The following FNBP4 variants were observed in gnomAD, a reference collection of about 807,000 sequenced individuals.
FNBP4 encodes formin-binding protein 4.
A neutral mutation model predicts 119.3 loss-of-function variants in FNBP4; 34 were observed. The observed-to-expected ratio is 0.28, with a 90% CI of 0.22 to 0.38. The LOEUF (loss-of-function observed/expected upper bound fraction) is 0.38, where lower values mean the gene tolerates loss of function less well. Among genes scored for constraint, FNBP4 ranks in the 10% least tolerant of loss-of-function variants. The pLI is 1.00. For missense variants in FNBP4, 1,112 were observed against 1,228.9 expected, an observed-to-expected ratio of 0.90 and a Z score of 1.42; for synonymous variants, 462 against 430.6, an observed-to-expected ratio of 1.07 and a Z score of -0.90.
At chr11:47,730,487 A>G (rs928625449) in intron 12 of FNBP4, among the ~76,000 whole-genome samples, 17 of 152,208 alleles carry the variant, frequency 1.1e-4, no homozygotes, top group African/African-American at 4.1e-4. Flanking sequence ...GTGCTTTTCT[A>G]CTATCATCAG....
intron 2 of FNBP4, among the ~76,000 whole-genome samples, chr11:47,762,204 T>A (rs1450212108): frequency 6.6e-6 from 1 of 151,002 alleles, no homozygotes; most frequent in African/African-American, 2.4e-5. Flanking sequence ...GTGGTCTAGC[T>A]CATTGCAACC....
chr11:47,736,202 C>T (rs924602759), intron 9 of FNBP4, among the ~76,000 whole-genome samples: 11 of 148,640 alleles, frequency 7.4e-5, no homozygotes, highest in South Asian at 2.1e-4. Context: ...GATCGGGCCA[C>T]GGCACTCCAG....
intron 2 of FNBP4, among the ~76,000 whole-genome samples, chr11:47,760,964 A>G (rs2097633032): frequency 6.6e-6 from 1 of 152,094 alleles, no homozygotes; most frequent in Non-Finnish European, 1.5e-5. Context: ...CCAAGACATA[A>G]CTCCAAAAAA....
At chr11:47,751,519 C>T (rs1024519525) in intron 4 of FNBP4, among the ~76,000 whole-genome samples, 1 of 151,888 alleles carries the variant, frequency 6.6e-6, no homozygotes, top group Non-Finnish European at 1.5e-5. Context: ...TACATTGTGA[C>T]AATAAAAAAT....
intron 7 of FNBP4, among the ~76,000 whole-genome samples, chr11:47,745,059 C>T (rs1343976930): frequency 6.6e-6 from 1 of 152,106 alleles, no homozygotes; most frequent in African/African-American, 2.4e-5. Flanking sequence ...TCTCTTAATC[C>T]TGTTATCTTA....
intron 8 of FNBP4, chr11:47,743,676 C>T (rs561938597): frequency 1.4e-5 from 6 of 421,152 alleles, no homozygotes; most frequent in Non-Finnish European, 2.6e-5. Flanking sequence ...CTCTACCCAC[C>T]CACACAGAGG....
chr11:47,766,890 AG>A (rs1231018272), intron 1 of FNBP4, among the ~76,000 whole-genome samples, 178 bp downstream of exon 1: 1 of 151,892 alleles, frequency 6.6e-6, no homozygotes, highest in African/African-American at 2.4e-5. Context: ...CCGAGGGCGC[AG>A]AACTCGGCCT....
rs780915570 is a variant in FNBP4, at chr11:47,746,471, C to T, written c.907-77G>A. 252 of 1,219,186 alleles carry T rather than the reference C, an allele frequency of 2.1e-4. 1 individual carries two copies. The highest frequency in any genetic ancestry group is 5.3e-5 in the Non-Finnish European group (47 of 884,774). 75.5% of individuals were successfully genotyped at this position (1,219,186 alleles called of 1,614,324 possible). A position where few individuals can be genotyped will look rare whatever the true frequency, so the allele number is the denominator to read the frequency against. On this transcript the variant is annotated intron_variant, in intron 6 of 16. Coordinates refer to ENST00000263773, the MANE Select transcript of FNBP4 (RefSeq NM_015308.5). ...CTGCACATACATTCAATTGCACACA[C>T]ATTCATATTAACTGTTTTCAGTAGC... is the stretch of plus-strand genomic sequence containing the variant.
rs924360454 is a variant in FNBP4 at position 47,716,729 on chromosome 11, T to C, written c.*693A>G. 2 of 152,520 alleles carry C rather than the reference T, an allele frequency of 1.3e-5. No homozygotes were observed. The highest frequency in any genetic ancestry group is 2.9e-5 in the Non-Finnish European group (2 of 68,022). The allele number at this position is 152,520 out of a possible 1,614,324, so 9.4% of individuals were successfully genotyped here. ...AATACATTCACATAAAGAAAGGAGG[T>C]GAATTTTGTTTTGGAACAGGGTTAA... On this transcript the variant is annotated 3_prime_UTR_variant, in exon 17 of 17. Coordinates refer to ENST00000263773, the MANE Select transcript of FNBP4 (RefSeq NM_015308.5).
intron 2 of FNBP4, among the ~76,000 whole-genome samples, chr11:47,756,685 T>C (rs559289183): frequency 3.9e-5 from 6 of 151,952 alleles, no homozygotes; most frequent in African/African-American, 1.2e-4. Flanking sequence ...CTTAATGCTA[T>C]CCCTCCCCCA....
At chr11:47,751,909 T>C (rs777966609) in intron 4 of FNBP4, among the ~76,000 whole-genome samples, 18 of 151,650 alleles carry the variant, frequency 1.2e-4, no homozygotes, top group Non-Finnish European at 1.9e-4. Flanking sequence ...GATTGCACCA[T>C]TGCACTCCAG....
At chr11:47,719,769 A>T (rs1175124674) in intron 16 of FNBP4, among the ~76,000 whole-genome samples, 160 bp downstream of exon 16, 3 of 152,168 alleles carry the variant, frequency 2.0e-5, no homozygotes, top group Non-Finnish European at 4.4e-5. Context: ...AAGGAATTAA[A>T]CATGTTTATA....
At chr11:47,765,109 T>A (rs191976882) in intron 2 of FNBP4, among the ~76,000 whole-genome samples, 161 bp downstream of exon 2, 3 of 152,126 alleles carry the variant, frequency 2.0e-5, no homozygotes, top group African/African-American at 7.2e-5. Context: ...TGTATATACA[T>A]CAACATTCTC....
chr11:47,743,387 G>C (rs1280253196), intron 8 of FNBP4, among the ~76,000 whole-genome samples: 2 of 152,088 alleles, frequency 1.3e-5, no homozygotes, highest in African/African-American at 4.8e-5. Context: ...GGAGGCTGAG[G>C]TAAGAGAATT....
intron 8 of FNBP4, 26 bp downstream of exon 8, chr11:47,743,927 G>A: frequency 1.2e-6 from 2 of 1,600,750 alleles, no homozygotes; most frequent in Non-Finnish European, 1.7e-6. Flanking sequence ...TTTCAACTCT[G>A]AAGTTTAATG....
intron 1 of FNBP4, among the ~76,000 whole-genome samples, chr11:47,766,097 C>T (rs559519523): frequency 1.9e-3 from 286 of 152,056 alleles, no homozygotes; most frequent in Middle Eastern, 0.014. Flanking sequence ...CTGTAATGAT[C>T]GCTTGAGCCC....
At chr11:47,729,196 C>G in intron 12 of FNBP4, 1 of 985,290 alleles carries the variant, frequency 1.0e-6, no homozygotes, top group Non-Finnish European at 1.2e-6. Context: ...CTTAATTTTC[C>G]CCCCAAAGAG....
chr11:47,744,207 T>C, intron 7 of FNBP4, 44 bp from the exon 8 acceptor site: 1 of 1,423,030 alleles, frequency 7.0e-7, no homozygotes, highest in Non-Finnish European at 9.9e-7. Flanking sequence ...TAACTGCTTA[T>C]TAATATGTAT....
At chr11:47,723,378 GA>G in intron 14 of FNBP4, 62 bp from the exon 15 acceptor site, 1 of 1,523,384 alleles carries the variant, frequency 6.6e-7, no homozygotes, top group Non-Finnish European at 8.8e-7. Flanking sequence ...CAGATGCAAT[GA>G]AAAGAGAAGT....
Sources: allele counts gnomAD v4.1 joint callset (sites outside exome capture counted in the v4.1 genomes callset), GRCh38; gene constraint gnomAD v4.1.1; transcripts MANE v1.5; gene names NCBI Gene and HGNC (gene_info 2026-07-23, HGNC 2026-07-21).